The following PDE3A variants were observed in gnomAD, a reference collection of about 807,000 sequenced individuals.
PDE3A encodes phosphodiesterase 3A, also known as cGMP-inhibited 3',5'-cyclic phosphodiesterase 3A.
A neutral mutation model predicts 98.3 loss-of-function variants in PDE3A; 43 were observed. The ratio of observed to expected loss-of-function variants is 0.44; its 90% CI spans 0.34 to 0.56. The LOEUF (loss-of-function observed/expected upper bound fraction) is 0.56. Among genes scored for constraint, PDE3A ranks in the 20% least tolerant of loss-of-function variants. The probability of loss-of-function intolerance (pLI) is 0.01; values close to 1 mark genes in which losing one functional copy is unlikely to be tolerated. For missense variants in PDE3A, 1,427 were observed against 1,440.7 expected, an observed-to-expected ratio of 0.99 and a Z score of 0.15; for synonymous variants, 663 against 567.9, an observed-to-expected ratio of 1.17 and a Z score of -2.38.
At chr12:20,372,886 A>G (rs1943502947) in intron 1 of PDE3A, among the ~76,000 whole-genome samples, 1 of 152,102 alleles carries the variant, frequency 6.6e-6, no homozygotes, top group Admixed American at 6.6e-5. Context: ...CCAGTGAGAG[A>G]ATTTCATCAT....
chr12:20,583,370 C>G (rs1943114978), intron 2 of PDE3A, among the ~76,000 whole-genome samples: 1 of 152,098 alleles, frequency 6.6e-6, no homozygotes. Context: ...ATATAATCTT[C>G]CCAGTGATTT....
chr12:20,376,274 T>C (rs186342476), intron 1 of PDE3A, among the ~76,000 whole-genome samples: 1 of 152,016 alleles, frequency 6.6e-6, no homozygotes, highest in African/African-American at 2.4e-5. Context: ...GTTAGCTATA[T>C]GTGTGAAGAT....
intron 1 of PDE3A, among the ~76,000 whole-genome samples, chr12:20,486,363 A>G (rs890087944): frequency 3.3e-5 from 5 of 152,122 alleles, no homozygotes; most frequent in African/African-American, 1.2e-4. Flanking sequence ...ACTCACTATC[A>G]TGAGAATAGC....
intron 1 of PDE3A, among the ~76,000 whole-genome samples, chr12:20,395,569 T>TATGTATACTATGTATAC (rs1565535739): frequency 1.8e-5 from 2 of 113,640 alleles, no homozygotes; most frequent in African/African-American, 6.9e-5. Flanking sequence ...AGTATATATA[T>TATGTATACTATGTATAC]ACATAGTATT....
intron 1 of PDE3A, among the ~76,000 whole-genome samples, chr12:20,397,139 A>G (rs1187887757): frequency 1.1e-4 from 16 of 152,124 alleles, no homozygotes; most frequent in Admixed American, 1.0e-3. Flanking sequence ...AATTCTAAAA[A>G]TGTATGTTTG....
intron 9 of PDE3A, among the ~76,000 whole-genome samples, chr12:20,638,571 A>G (rs1414832435): frequency 6.6e-6 from 1 of 152,020 alleles, no homozygotes; most frequent in African/African-American, 2.4e-5. Context: ...GTTCAGTCCA[A>G]TTCACCTTAG....
chr12:20,397,523 T>C (rs1944040332), intron 1 of PDE3A, among the ~76,000 whole-genome samples: 1 of 152,002 alleles, frequency 6.6e-6, no homozygotes, highest in Admixed American at 6.6e-5. Flanking sequence ...TATAGTAATA[T>C]ATTGTGTAAG....
intron 1 of PDE3A, among the ~76,000 whole-genome samples, chr12:20,402,906 A>G (rs942667189): frequency 6.6e-6 from 1 of 152,172 alleles, no homozygotes; most frequent in African/African-American, 2.4e-5. Context: ...AGTAAAGATT[A>G]TATTTAAAAC....
chr12:20,665,283 T>A (rs1945281577), intron 15 of PDE3A, among the ~76,000 whole-genome samples: 1 of 152,238 alleles, frequency 6.6e-6, no homozygotes, highest in African/African-American at 2.4e-5. Flanking sequence ...CATAAATAGA[T>A]AAGGAATTTA....
chr12:20,438,734 C>G (rs764095476), intron 1 of PDE3A, among the ~76,000 whole-genome samples: 1 of 151,172 alleles, frequency 6.6e-6, no homozygotes, highest in Non-Finnish European at 1.5e-5. Flanking sequence ...ACCCATGATT[C>G]GTGGATTCTC....
intron 9 of PDE3A, 34 bp from the exon 10 acceptor site, chr12:20,639,812 G>A (rs1944604327): frequency 2.2e-6 from 2 of 915,084 alleles, no homozygotes; most frequent in South Asian, 1.3e-5. Context: ...CATACACATA[G>A]GGATGTTTCA....
intron 1 of PDE3A, among the ~76,000 whole-genome samples, chr12:20,375,072 C>A (rs937879119): frequency 1.3e-5 from 2 of 151,868 alleles, no homozygotes; most frequent in African/African-American, 4.8e-5. Flanking sequence ...CTTCCTGCTC[C>A]ATTTCTGTGT....
intron 1 of PDE3A, among the ~76,000 whole-genome samples, chr12:20,474,276 G>A (rs1591969018): frequency 6.6e-6 from 1 of 151,952 alleles, no homozygotes; most frequent in African/African-American, 2.4e-5. Flanking sequence ...ATTATTGTTG[G>A]TTTGTCTTCG....
At chr12:20,448,429 G>A (rs768074946) in intron 1 of PDE3A, among the ~76,000 whole-genome samples, 4 of 152,084 alleles carry the variant, frequency 2.6e-5, no homozygotes, top group Non-Finnish European at 5.9e-5. Flanking sequence ...CAACAAGAGC[G>A]AAACTCTGTC....
chr12:20,508,089 A>T (rs1296591584), intron 1 of PDE3A, among the ~76,000 whole-genome samples: 1 of 151,922 alleles, frequency 6.6e-6, no homozygotes, highest in Non-Finnish European at 1.5e-5. Context: ...ACTTACTCCA[A>T]TGCAGCTATA....
chr12:20,550,093 G>A (rs1299764573), intron 1 of PDE3A, among the ~76,000 whole-genome samples: 7 of 152,156 alleles, frequency 4.6e-5, no homozygotes, highest in African/African-American at 1.4e-4. Context: ...CTACAAAAAT[G>A]TTTCCTTTTT....
At chr12:20,470,819 A>G (rs1945424782) in intron 1 of PDE3A, among the ~76,000 whole-genome samples, 2 of 151,890 alleles carry the variant, frequency 1.3e-5, no homozygotes, top group South Asian at 4.2e-4. Flanking sequence ...CCCTTATGTG[A>G]TGGTATTTGG....
At chr12:20,539,630 T>A (rs923453181) in intron 1 of PDE3A, among the ~76,000 whole-genome samples, 3 of 152,014 alleles carry the variant, frequency 2.0e-5, no homozygotes, top group Non-Finnish European at 4.4e-5. Flanking sequence ...AACGTTTGTG[T>A]TGGATGAATG....
chr12:20,537,623 A>T (rs1354620608), intron 1 of PDE3A, among the ~76,000 whole-genome samples: 1 of 152,018 alleles, frequency 6.6e-6, no homozygotes, highest in South Asian at 2.1e-4. Flanking sequence ...AGATTGAGAG[A>T]TGTTGTTTGC....
Sources: gnomAD v4.1 joint callset for allele counts (sites outside exome capture counted in the v4.1 genomes callset) on GRCh38, gnomAD v4.1.1 for gene constraint, MANE v1.5 for transcripts, NCBI Gene and HGNC (gene_info 2026-07-23, HGNC 2026-07-21) for gene names.